The following VAT1L variants were observed in gnomAD, a reference collection of about 807,000 sequenced individuals.
VAT1L encodes the protein putative NADPH-dependent quinone oxidoreductase VAT1L.
In VAT1L, 34 loss-of-function variants were observed where a neutral mutation model predicts 44.1. The observed-to-expected ratio is 0.77, with a 90% CI of 0.59 to 1.03. VAT1L has a LOEUF of 1.03. Among genes scored for constraint, VAT1L ranks in the 50% least tolerant of loss-of-function variants. The pLI is 0.00. For synonymous variants in VAT1L, 253 were observed against 202.2 expected, an observed-to-expected ratio of 1.25 and a Z score of -2.13; for missense variants, 615 against 538.8, an observed-to-expected ratio of 1.14 and a Z score of -1.40.
At chr16:77,971,721 T>C in intron 7 of VAT1L, 129 bp from the exon 8 acceptor site, 1 of 894,926 alleles carries the variant, frequency 1.1e-6, no homozygotes, top group East Asian at 2.5e-5. Flanking sequence ...AACAGCAACC[T>C]CTTAGCCACT....
chr16:77,891,730 C>G (rs1006781897), intron 7 of VAT1L, among the ~76,000 whole-genome samples: 4 of 152,164 alleles, frequency 2.6e-5, no homozygotes, highest in Non-Finnish European at 5.9e-5. Flanking sequence ...AAATGTGATG[C>G]TGAGCTTGAC....
intron 1 of VAT1L, chr16:77,801,228 G>C (rs914842849): frequency 2.0e-5 from 3 of 152,012 alleles, no homozygotes; most frequent in Non-Finnish European, 4.4e-5. Flanking sequence ...CCGTGAAAAA[G>C]CATGATGAAG....
At chr16:77,961,674 C>T (rs1440646382) in intron 7 of VAT1L, among the ~76,000 whole-genome samples, 2 of 152,140 alleles carry the variant, frequency 1.3e-5, no homozygotes, top group Non-Finnish European at 2.9e-5. Context: ...CCCCTGGCTG[C>T]CCAGCCAGGA....
At chr16:77,877,772 A>G (rs1251202776) in intron 5 of VAT1L, among the ~76,000 whole-genome samples, 2 of 151,374 alleles carry the variant, frequency 1.3e-5, no homozygotes, top group African/African-American at 4.9e-5. Flanking sequence ...TAAATATGCA[A>G]GCATTTTTTT....
At chr16:77,845,388 C>T (rs2016748635) in intron 3 of VAT1L, among the ~76,000 whole-genome samples, 1 of 152,136 alleles carries the variant, frequency 6.6e-6, no homozygotes, top group African/African-American at 2.4e-5. Flanking sequence ...GAGGTGTGTT[C>T]TATGTCACCT....
At chr16:77,794,396 A>C (rs1472961055) in intron 1 of VAT1L, among the ~76,000 whole-genome samples, 1 of 152,168 alleles carries the variant, frequency 6.6e-6, no homozygotes, top group Non-Finnish European at 1.5e-5. Context: ...TGGAGTTACT[A>C]TGACTGTTGA....
At chr16:77,946,138 A>C (rs904082148) in intron 7 of VAT1L, among the ~76,000 whole-genome samples, 2 of 151,924 alleles carry the variant, frequency 1.3e-5, no homozygotes, top group Non-Finnish European at 1.5e-5. Context: ...CATTGTACAA[A>C]AAAATTTGTG....
chr16:77,795,645 C>T (rs2015916046), intron 1 of VAT1L, among the ~76,000 whole-genome samples: 1 of 151,966 alleles, frequency 6.6e-6, no homozygotes, highest in Admixed American at 6.6e-5. Context: ...ATTCATTCCA[C>T]CAAGTTGGTC....
chr16:77,952,966 T>G (rs911176725), intron 7 of VAT1L, among the ~76,000 whole-genome samples: 2 of 146,654 alleles, frequency 1.4e-5, no homozygotes, highest in African/African-American at 2.5e-5. Context: ...GGAAACGGGG[T>G]TGTTGCAGAT....
At chr16:77,944,580 T>G (rs1475799250) in intron 7 of VAT1L, among the ~76,000 whole-genome samples, 2 of 152,192 alleles carry the variant, frequency 1.3e-5, no homozygotes, top group Non-Finnish European at 2.9e-5. Flanking sequence ...GCACCTGTCT[T>G]GTATAAAATT....
At chr16:77,939,453 G>A (rs1197861598) in intron 7 of VAT1L, among the ~76,000 whole-genome samples, 1 of 152,208 alleles carries the variant, frequency 6.6e-6, no homozygotes, top group African/African-American at 2.4e-5. Context: ...CTCAGCAAGT[G>A]CCACAAATCA....
intron 3 of VAT1L, among the ~76,000 whole-genome samples, chr16:77,835,492 G>T (rs2016629623): frequency 1.3e-5 from 2 of 152,238 alleles, no homozygotes; most frequent in East Asian, 3.9e-4. Flanking sequence ...CCAACTAGCA[G>T]GCAATGCATG....
At chr16:77,807,964 A>G (rs575243102) in intron 1 of VAT1L, among the ~76,000 whole-genome samples, 34 of 152,164 alleles carry the variant, frequency 2.2e-4, no homozygotes, top group African/African-American at 7.9e-4. Context: ...CTTCATGGTT[A>G]TATTGTACAT....
intron 7 of VAT1L, among the ~76,000 whole-genome samples, chr16:77,951,755 G>C (rs2018045387): frequency 6.6e-6 from 1 of 151,958 alleles, no homozygotes; most frequent in South Asian, 2.1e-4. Flanking sequence ...AAGGACTTCG[G>C]GGTGGCTGAC....
At chr16:77,882,824 A>G (rs1415469037) in intron 6 of VAT1L, among the ~76,000 whole-genome samples, 1 of 152,326 alleles carries the variant, frequency 6.6e-6, no homozygotes, top group South Asian at 2.1e-4. Flanking sequence ...CCCATAGAAT[A>G]GAATTTTGGA....
At chr16:77,819,366 CTTTTCTT>C (rs1352873030) in intron 2 of VAT1L, among the ~76,000 whole-genome samples, 7 of 151,864 alleles carry the variant, frequency 4.6e-5, no homozygotes, top group Non-Finnish European at 8.8e-5. Context: ...AGATGATATT[CTTTTCTT>C]TTTTCTTTTT....
Position 77,959,297 on chromosome 16 carries a change from C to T in VAT1L, c.1078-12553C>T, listed in dbSNP as rs1028808620. Among the ~76,000 whole-genome samples the T allele has an allele frequency of 1.4e-4, 21 of 152,318 alleles. No homozygotes were observed. The East Asian group carries it at 3.7e-3, about 27-fold the overall frequency. Reference sequence around the variant, plus strand: ...TTCCATCTGGGTCAGAATCTTGGGGCTCACGCACTTTAGACTCCAGAAGAA... The same window carrying T: ...TTCCATCTGGGTCAGAATCTTGGGGTTCACGCACTTTAGACTCCAGAAGAA... On this transcript the variant is annotated intron_variant, in intron 7 of 8. Transcript: ENST00000302536.
At chr16:77,800,987 C>T (rs565966043) in intron 1 of VAT1L, 1 of 152,274 alleles carries the variant, frequency 6.6e-6, no homozygotes, top group East Asian at 1.9e-4. Flanking sequence ...TGCCACCACA[C>T]CTGGTTAATT....
intron 1 of VAT1L, among the ~76,000 whole-genome samples, chr16:77,804,755 CT>C (rs1241534376): frequency 6.6e-6 from 1 of 152,134 alleles, no homozygotes; most frequent in Non-Finnish European, 1.5e-5. Context: ...AATGAGCTTC[CT>C]TCTTGAGGCT....
Sources: allele counts gnomAD v4.1 joint callset (sites outside exome capture counted in the v4.1 genomes callset), GRCh38; gene constraint gnomAD v4.1.1; transcripts MANE v1.5; gene names NCBI Gene and HGNC (gene_info 2026-07-23, HGNC 2026-07-21).